Variants in ERC2 observed in about 807,000 individuals in gnomAD.
ERC2 encodes the protein ERC protein 2.
In ERC2, 42 loss-of-function variants were observed where a neutral mutation model predicts 114.8. That is an observed-to-expected ratio of 0.37 (90% confidence interval 0.29 to 0.47). ERC2 has a LOEUF of 0.47. ERC2 is among the 20% of genes least tolerant of loss of function. ERC2 has a pLI of 0.99. For synonymous variants in ERC2, 454 were observed against 425.5 expected, an observed-to-expected ratio of 1.07 and a Z score of -0.82; for missense variants, 939 against 1,150.7, an observed-to-expected ratio of 0.82 and a Z score of 2.66.
intron 12 of ERC2, among the ~76,000 whole-genome samples, chr3:55,975,019 G>A (rs1483771077): frequency 2.6e-5 from 4 of 152,302 alleles, no homozygotes; most frequent in South Asian, 2.1e-4. Flanking sequence ...TTTGGAATCA[G>A]ACACAGTGTT....
At chr3:55,796,067 T>C (rs1575621636) in intron 14 of ERC2, among the ~76,000 whole-genome samples, 1 of 152,048 alleles carries the variant, frequency 6.6e-6, no homozygotes, top group East Asian at 1.9e-4. Context: ...CAGTGAGAAG[T>C]TGTGGTGGTT....
chr3:56,221,761 G>T (rs961417692), intron 3 of ERC2, among the ~76,000 whole-genome samples: 5 of 152,112 alleles, frequency 3.3e-5, no homozygotes, highest in African/African-American at 4.8e-5. Flanking sequence ...AAAATTTGCA[G>T]AGTGTGGTAG....
At chr3:56,285,280 C>T (rs760898670) in intron 3 of ERC2, among the ~76,000 whole-genome samples, 1 of 151,898 alleles carries the variant, frequency 6.6e-6, no homozygotes, top group Non-Finnish European at 1.5e-5. Context: ...ACGGATGGGT[C>T]ACTCTATACC....
At chr3:56,117,012 C>T (rs1207903680) in intron 6 of ERC2, among the ~76,000 whole-genome samples, 1 of 152,164 alleles carries the variant, frequency 6.6e-6, no homozygotes, top group Non-Finnish European at 1.5e-5. Flanking sequence ...ACCTGTTTTA[C>T]AGTTGAGAAG....
At chr3:55,528,743 T>C (rs1456018409) in intron 17 of ERC2, among the ~76,000 whole-genome samples, 2 of 152,208 alleles carry the variant, frequency 1.3e-5, no homozygotes, top group Admixed American at 1.3e-4. Flanking sequence ...GATTATTCTT[T>C]ATTTAAGAAT....
intron 2 of ERC2, among the ~76,000 whole-genome samples, chr3:56,362,450 A>G (rs549372599): frequency 2.6e-5 from 4 of 152,218 alleles, no homozygotes; most frequent in Non-Finnish European, 5.9e-5. Context: ...AAGTCCTCAG[A>G]TAAACCAGCC....
intron 14 of ERC2, among the ~76,000 whole-genome samples, chr3:55,746,245 T>G (rs1026217551): frequency 1.2e-4 from 18 of 152,252 alleles, no homozygotes; most frequent in Non-Finnish European, 2.2e-4. Flanking sequence ...GAGTGGATTT[T>G]TTTTTTTAAA....
At chr3:56,353,483 T>G (rs970450100) in intron 2 of ERC2, among the ~76,000 whole-genome samples, 5 of 151,858 alleles carry the variant, frequency 3.3e-5, no homozygotes, top group Non-Finnish European at 5.9e-5. Flanking sequence ...CCATAAAAAA[T>G]GATGAGTTCA....
intron 17 of ERC2, among the ~76,000 whole-genome samples, chr3:55,643,614 A>G (rs2060275338): frequency 6.6e-6 from 1 of 152,242 alleles, no homozygotes; most frequent in African/African-American, 2.4e-5. Flanking sequence ...TAGGGTTATC[A>G]TGAAGATTAA....
intron 2 of ERC2, among the ~76,000 whole-genome samples, chr3:56,427,012 A>AT (rs2061596378): frequency 6.6e-6 from 1 of 151,198 alleles, no homozygotes; most frequent in Non-Finnish European, 1.5e-5. Context: ...AAAAAAAAAA[A>AT]AAAAAAAAAT....
intron 17 of ERC2, among the ~76,000 whole-genome samples, chr3:55,560,151 C>T (rs768663280): frequency 6.6e-6 from 1 of 152,138 alleles, no homozygotes; most frequent in Non-Finnish European, 1.5e-5. Context: ...CCCTGCAGAC[C>T]TTGACTACTC....
chr3:56,161,631 T>C (rs2082054314), intron 4 of ERC2, among the ~76,000 whole-genome samples: 1 of 152,170 alleles, frequency 6.6e-6, no homozygotes, highest in African/African-American at 2.4e-5. Flanking sequence ...TTAGATGTAT[T>C]CCTAGGTATT....
At chr3:56,056,710 G>C (rs1194147749) in intron 7 of ERC2, among the ~76,000 whole-genome samples, 1 of 152,160 alleles carries the variant, frequency 6.6e-6, no homozygotes, top group Non-Finnish European at 1.5e-5. Context: ...GATGTGACAA[G>C]TGCTCTCTGA....
intron 3 of ERC2, among the ~76,000 whole-genome samples, chr3:56,187,904 T>C (rs1190831445): frequency 6.6e-6 from 1 of 152,108 alleles, no homozygotes; most frequent in Non-Finnish European, 1.5e-5. Flanking sequence ...CACTCTAACT[T>C]TAAGCTGGCA....
intron 6 of ERC2, among the ~76,000 whole-genome samples, chr3:56,132,456 T>C: frequency 6.6e-6 from 1 of 152,084 alleles, no homozygotes; most frequent in East Asian, 1.9e-4. Flanking sequence ...AAACACCTCC[T>C]CCTCCACCAG....
intron 17 of ERC2, among the ~76,000 whole-genome samples, chr3:55,588,687 G>C (rs1054251829): frequency 3.9e-5 from 6 of 152,142 alleles, no homozygotes; most frequent in Non-Finnish European, 8.8e-5. Flanking sequence ...ACAGAGACCA[G>C]AAAACCCTGA....
In ERC2 at chr3:56,149,075, T is replaced by C; in HGVS notation, c.1207A>G (p.Met403Val). 6.2e-7 allele frequency: 1 copy of C among 1,613,202 alleles called. No individual in the cohort carries two copies. The highest frequency in any genetic ancestry group is 8.5e-7 in the Non-Finnish European group (1 of 1,179,458). ...NIRDLEDEIQ[M>V]LKANGVLNTE... The stretch of plus-strand genomic sequence containing the variant: ...TTCAGCACACCATTGGCTTTTAACA[T>C]CTGGATCTCATCCTCAAGATCCCTT... The change falls in exon 5 of 18, where the codon ATG becomes GTG. Residue 403 changes from methionine (M) to valine (V), a missense_variant. Around this residue, in one of 5 missense-constraint regions of ERC2, gnomAD observed 148 missense variants for 159.1 expected, o/e 0.93. Transcript: ENST00000288221.
At chr3:55,981,119 C>T (rs1022568014) in intron 12 of ERC2, among the ~76,000 whole-genome samples, 3 of 152,240 alleles carry the variant, frequency 2.0e-5, no homozygotes, top group Non-Finnish European at 4.4e-5. Flanking sequence ...GGCTACGCCT[C>T]AAGGGTTCAA....
intron 17 of ERC2, among the ~76,000 whole-genome samples, chr3:55,523,916 G>A (rs1414537951): frequency 1.3e-5 from 2 of 152,210 alleles, no homozygotes; most frequent in Non-Finnish European, 2.9e-5. Context: ...CACTAAAAGT[G>A]AGAGCCGGAG....
Sources: allele counts gnomAD v4.1 joint callset (sites outside exome capture counted in the v4.1 genomes callset), GRCh38; gene constraint gnomAD v4.1.1; regional missense constraint gnomAD v4.1.1; transcripts MANE v1.5; gene names NCBI Gene and HGNC (gene_info 2026-07-23, HGNC 2026-07-21).